The following HHIP variants were observed in gnomAD, a reference collection of about 807,000 sequenced individuals.
HHIP encodes hedgehog interacting protein.
HHIP carries 12 observed loss-of-function variants against 74.0 expected under a neutral mutation model. The ratio of observed to expected loss-of-function variants is 0.16; its 90% CI spans 0.10 to 0.26. HHIP has a LOEUF of 0.26. HHIP is among the 10% of genes least tolerant of loss of function. HHIP has a pLI of 1.00. For synonymous variants in HHIP, 309 were observed against 311.6 expected, an observed-to-expected ratio of 0.99 and a Z score of 0.09; for missense variants, 788 against 845.0, an observed-to-expected ratio of 0.93 and a Z score of 0.84.
At chr4:144,717,783 CCT>C (rs893991270) in intron 10 of HHIP, among the ~76,000 whole-genome samples, 2 of 151,888 alleles carry the variant, frequency 1.3e-5, no homozygotes, top group African/African-American at 4.8e-5. Context: ...CCTTCTCTCC[CCT>C]CTCCCCCAGT....
rs1258966561 is a variant in HHIP, at chr4:144,738,213, T to C, written c.*256T>C. On this transcript the variant is annotated 3_prime_UTR_variant, in exon 13 of 13. Transcript: ENST00000296575. Reference sequence around the variant, plus strand: ...ATTTTTTAAAATATATACTTCCTTATGCAAAGTAATTTACACAGAAATTCC... The same window carrying C: ...ATTTTTTAAAATATATACTTCCTTACGCAAAGTAATTTACACAGAAATTCC... 9.5e-7 allele frequency: 1 copy of C among 1,052,700 alleles called. No individual in the cohort carries two copies. The highest frequency in any genetic ancestry group is 1.7e-5 in the African/African-American group (1 of 59,974). The allele number at this position is 1,052,700 out of a possible 1,614,324, so 65.2% of individuals were successfully genotyped here.
chr4:144,661,915 T>C (rs1728725691), intron 4 of HHIP, among the ~76,000 whole-genome samples: 1 of 152,176 alleles, frequency 6.6e-6, no homozygotes, highest in Non-Finnish European at 1.5e-5. Flanking sequence ...CATAAAGCTG[T>C]TTAACAGACT....
At position 144,652,599 on chromosome 4, in the gene HHIP, T is replaced by A; in HGVS notation, c.280-6T>A. 6.3e-7 allele frequency: 1 copy of A among 1,583,876 alleles called. No homozygotes were observed. Among genetic ancestry groups the A allele is most frequent in the African/African-American group, 1.4e-5 (1 of 73,642 alleles). The stretch of plus-strand genomic sequence containing the variant: ...AAAAAGTTTGCTTCTGATTTATGGC[T>A]TTCAGATATTTTCTGTTACCAACAA... On this transcript the variant is annotated splice_polypyrimidine_tract_variant and splice_region_variant and intron_variant, in intron 1 of 12. Transcript: ENST00000296575.
At chr4:144,716,854 G>GAAAAAAAAAAAAAAAAAAAAAAAAAAA (rs869028218) in intron 10 of HHIP, among the ~76,000 whole-genome samples, 1 of 54,656 alleles carries the variant, frequency 1.8e-5, no homozygotes, top group Non-Finnish European at 3.4e-5. Context: ...CGTCTCAAAA[G>GAAAAAAAAAAAAAAAAAAAAAAAAAAA]AAAAAAAAAA....
At chr4:144,660,834 G>T (rs2126590780) in intron 4 of HHIP, among the ~76,000 whole-genome samples, 1 of 152,052 alleles carries the variant, frequency 6.6e-6, no homozygotes, top group Non-Finnish European at 1.5e-5. Flanking sequence ...TACTTAATCT[G>T]GTCATGGATG....
At chr4:144,648,410 C>G (rs1268093009) in intron 1 of HHIP, 1 of 152,216 alleles carries the variant, frequency 6.6e-6, no homozygotes, top group East Asian at 1.9e-4. Context: ...TGAGTGAGAA[C>G]TGTCTTGCTG....
At chr4:144,685,148 G>A (rs1729453653) in intron 4 of HHIP, among the ~76,000 whole-genome samples, 1 of 152,220 alleles carries the variant, frequency 6.6e-6, no homozygotes, top group African/African-American at 2.4e-5. Flanking sequence ...GCCTTGGGCA[G>A]TGTTTGCTAT....
intron 4 of HHIP, among the ~76,000 whole-genome samples, chr4:144,678,578 T>G (rs1168623194): frequency 1.3e-5 from 2 of 152,078 alleles, no homozygotes; most frequent in African/African-American, 4.8e-5. Context: ...GTGTGTGATA[T>G]TCCCCTCCCT....
At chr4:144,694,486 TA>T (rs1729761225) in intron 4 of HHIP, among the ~76,000 whole-genome samples, 1 of 151,872 alleles carries the variant, frequency 6.6e-6, no homozygotes, top group Non-Finnish European at 1.5e-5. Flanking sequence ...AACTCAAGTA[TA>T]CCAGTGTTAT....
chr4:144,678,871 C>A (rs1729250320), intron 4 of HHIP, among the ~76,000 whole-genome samples: 1 of 152,140 alleles, frequency 6.6e-6, no homozygotes, highest in Admixed American at 6.5e-5. Context: ...TTTATAGTAG[C>A]ATGATTTATA....
intron 2 of HHIP, among the ~76,000 whole-genome samples, chr4:144,656,043 C>T (rs1392795219): frequency 6.6e-5 from 10 of 152,118 alleles, no homozygotes; most frequent in South Asian, 4.1e-4. Flanking sequence ...ATGATGATCC[C>T]GAGTGAGCTA....
intron 10 of HHIP, among the ~76,000 whole-genome samples, chr4:144,717,459 G>A (rs1047527566): frequency 6.6e-6 from 1 of 152,172 alleles, no homozygotes; most frequent in Non-Finnish European, 1.5e-5. Context: ...GTAGCAGGGT[G>A]TGTTTAATGC....
In HHIP at chr4:144,681,536, T is replaced by A. The variant is rs1170880382; in HGVS notation, c.831+21698T>A. On this transcript the variant is annotated intron_variant, in intron 4 of 12. Transcript: ENST00000296575. The stretch of plus-strand genomic sequence containing the variant: ...CGCATCCTGGGTCAAGCAATTCTCC[T>A]GCCTCAGCCTCCCGAGTAACTGGGA... Among the ~76,000 whole-genome samples, 7 of 150,722 alleles carry A rather than the reference T, an allele frequency of 4.6e-5. No individual in the cohort carries two copies. In the East Asian group the frequency reaches 1.4e-3, roughly 30 times the overall value.
intron 11 of HHIP, among the ~76,000 whole-genome samples, chr4:144,729,116 C>T (rs891872435): frequency 6.6e-6 from 1 of 152,158 alleles, no homozygotes; most frequent in African/African-American, 2.4e-5. Context: ...AAAGATGACA[C>T]AGCAAGTACT....
rs1258546193 is a variant in HHIP at position 144,737,278 on chromosome 4, G to A, written c.1910-486G>A. Among the ~76,000 whole-genome samples, 7 of 152,186 alleles carry A rather than the reference G, an allele frequency of 4.6e-5. No individual in the cohort carries two copies. The East Asian group carries it at 7.7e-4, about 17-fold the overall frequency. On this transcript the variant is annotated intron_variant, in intron 12 of 12. Coordinates refer to ENST00000296575, the MANE Select transcript of HHIP (RefSeq NM_022475.3). ...AGGAAGAATCCAAGGGAGTTTATAT[G>A]GTGGATATTCCACCCAACCAAAATC...
At chr4:144,727,900 A>G in intron 11 of HHIP, among the ~76,000 whole-genome samples, 1 of 152,196 alleles carries the variant, frequency 6.6e-6, no homozygotes, top group East Asian at 1.9e-4. Context: ...TGGAAAGAAC[A>G]CTGAACCAGG....
intron 4 of HHIP, among the ~76,000 whole-genome samples, chr4:144,672,009 T>C (rs1272509446): frequency 6.6e-6 from 1 of 151,606 alleles, no homozygotes; most frequent in African/African-American, 2.4e-5. Flanking sequence ...TAAAAACAAA[T>C]AATAATAATA....
intron 4 of HHIP, among the ~76,000 whole-genome samples, chr4:144,690,918 T>G (rs1729641999): frequency 6.6e-6 from 1 of 152,126 alleles, no homozygotes; most frequent in Non-Finnish European, 1.5e-5. Context: ...TAGATTTATA[T>G]CAGGCAATTC....
Position 144,732,026 on chromosome 4 carries a change from G to A in HHIP, c.1761-2715G>A, listed in dbSNP as rs4835184. Reference sequence around the variant, plus strand: ...CCTGAAGAGCGCAGTACTTGCCCAAGTAAATGATTGGACTTGAAGAGGATT... The same window carrying A: ...CCTGAAGAGCGCAGTACTTGCCCAAATAAATGATTGGACTTGAAGAGGATT... On this transcript the variant is annotated intron_variant, in intron 11 of 12. Transcript: ENST00000296575. Among the ~76,000 whole-genome samples, 415 of 152,216 alleles carry A rather than the reference G, an allele frequency of 2.7e-3. 9 individuals carry two copies. Among genetic ancestry groups the A allele is most frequent in the Admixed American group, 0.022 (341 of 15,278 alleles).
Sources: allele counts gnomAD v4.1 joint callset (sites outside exome capture counted in the v4.1 genomes callset), GRCh38; gene constraint gnomAD v4.1.1; transcripts MANE v1.5; gene names NCBI Gene and HGNC (gene_info 2026-07-23, HGNC 2026-07-21).